The following UNC13C variants were observed in gnomAD, a reference collection of about 807,000 sequenced individuals.
The protein encoded by UNC13C is protein unc-13 homolog C.
Under a neutral mutation model 245.4 loss-of-function variants are expected in UNC13C, and 174 were observed. The observed-to-expected ratio is 0.71, with a 90% CI of 0.63 to 0.80. The LOEUF (loss-of-function observed/expected upper bound fraction) is 0.80. UNC13C is among the 30% of genes least tolerant of loss of function. The pLI is 0.00. For synonymous variants in UNC13C, 992 were observed against 895.1 expected, an observed-to-expected ratio of 1.11 and a Z score of -1.93; for missense variants, 2,829 against 2,602.9, an observed-to-expected ratio of 1.09 and a Z score of -1.89.
intron 19 of UNC13C, among the ~76,000 whole-genome samples, chr15:54,418,578 C>T (rs1398007372): frequency 6.6e-6 from 1 of 152,058 alleles, no homozygotes; most frequent in Admixed American, 6.6e-5. Context: ...CACACTAAAG[C>T]ATTTGGGGCA....
At chr15:54,167,541 T>C (rs1223537218) in intron 4 of UNC13C, among the ~76,000 whole-genome samples, 7 of 111,188 alleles carry the variant, frequency 6.3e-5, no homozygotes, top group Admixed American at 5.3e-4. Flanking sequence ...TAAGAGAAGA[T>C]ACTCTTGAAC....
At chr15:54,268,753 A>C (rs1469966003) in intron 10 of UNC13C, among the ~76,000 whole-genome samples, 1 of 152,134 alleles carries the variant, frequency 6.6e-6, no homozygotes, top group Non-Finnish European at 1.5e-5. Context: ...TCTTCTGCCC[A>C]GTAGAAATTA....
intron 4 of UNC13C, among the ~76,000 whole-genome samples, chr15:54,198,778 T>A (rs1260319435): frequency 2.0e-5 from 3 of 152,056 alleles, no homozygotes; most frequent in Non-Finnish European, 4.4e-5. Context: ...GAAAAACAAG[T>A]GTGGTAATAT....
At chr15:54,602,766 T>C (rs1460285361) in intron 30 of UNC13C, among the ~76,000 whole-genome samples, 1 of 152,196 alleles carries the variant, frequency 6.6e-6, no homozygotes. Context: ...AAAGTGACTT[T>C]TCATTGTAAT....
At chr15:54,030,482 G>A (rs1896311723) in intron 2 of UNC13C, among the ~76,000 whole-genome samples, 1 of 152,082 alleles carries the variant, frequency 6.6e-6, no homozygotes, top group South Asian at 2.1e-4. Context: ...AGGTCAATCG[G>A]GTAGAAATTA....
intron 15 of UNC13C, among the ~76,000 whole-genome samples, chr15:54,333,140 G>A (rs1272779689): frequency 6.6e-6 from 1 of 151,970 alleles, no homozygotes; most frequent in Non-Finnish European, 1.5e-5. Context: ...GTTAACATGT[G>A]AAATTGACCA....
chr15:54,039,490 C>A (rs539097735), intron 2 of UNC13C, among the ~76,000 whole-genome samples: 61 of 152,268 alleles, frequency 4.0e-4, no homozygotes, highest in African/African-American at 1.4e-3. Flanking sequence ...GGAAAAATAA[C>A]CAACTAGAAT....
At chr15:54,500,419 T>G (rs2141098316) in intron 21 of UNC13C, among the ~76,000 whole-genome samples, 1 of 152,184 alleles carries the variant, frequency 6.6e-6, no homozygotes, top group East Asian at 1.9e-4. Context: ...TACATTAATC[T>G]GAATCTACAG....
chr15:54,011,770 T>G (rs1446075099), intron 1 of UNC13C, among the ~76,000 whole-genome samples: 1 of 152,190 alleles, frequency 6.6e-6, no homozygotes, highest in African/African-American at 2.4e-5. Flanking sequence ...TCCCCTTGTC[T>G]CTTGTGGAGC....
intron 17 of UNC13C, among the ~76,000 whole-genome samples, chr15:54,356,128 C>A (rs1408605647): frequency 6.6e-6 from 1 of 152,040 alleles, no homozygotes; most frequent in African/African-American, 2.4e-5. Context: ...TTAGCCTGCC[C>A]CTATTGGTGG....
At chr15:53,929,468 A>C in the UNC13C span, among the ~76,000 whole-genome samples, 1 of 152,198 alleles carries the variant, frequency 6.6e-6, no homozygotes, top group Non-Finnish European at 1.5e-5. Flanking sequence ...TTAAAGCATC[A>C]ACTACTAAAA....
chr15:54,475,698 A>C (rs1021588213), intron 19 of UNC13C, among the ~76,000 whole-genome samples: 1 of 143,176 alleles, frequency 7.0e-6, no homozygotes, highest in African/African-American at 2.6e-5. Flanking sequence ...TTCTTAATCC[A>C]GTCTATCATT....
At chr15:54,602,479 T>C (rs551140914) in intron 30 of UNC13C, among the ~76,000 whole-genome samples, 8 of 152,198 alleles carry the variant, frequency 5.3e-5, no homozygotes, top group Non-Finnish European at 8.8e-5. Context: ...TATTTTAATA[T>C]TTAGAGATGA....
intron 13 of UNC13C, among the ~76,000 whole-genome samples, chr15:54,320,336 C>T (rs1484151063): frequency 6.6e-6 from 1 of 151,950 alleles, no homozygotes; most frequent in African/African-American, 2.4e-5. Context: ...ACTTTTGGTG[C>T]ATACATGCAA....
At chr15:54,529,490 A>G (rs1335821994) in intron 25 of UNC13C, among the ~76,000 whole-genome samples, 2 of 152,222 alleles carry the variant, frequency 1.3e-5, no homozygotes. Context: ...TATTTGCTCT[A>G]AGAACAAAAC....
chr15:54,497,557 T>C (rs929055394), intron 20 of UNC13C, among the ~76,000 whole-genome samples: 1 of 151,942 alleles, frequency 6.6e-6, no homozygotes, highest in Non-Finnish European at 1.5e-5. Flanking sequence ...TGTGTTGAGA[T>C]TGGGGCAGAA....
At chr15:54,116,850 T>G (rs2030284508) in intron 2 of UNC13C, among the ~76,000 whole-genome samples, 1 of 152,190 alleles carries the variant, frequency 6.6e-6, no homozygotes, top group South Asian at 2.1e-4. Flanking sequence ...AACCTCCGTA[T>G]AGTTTTCCAT....
At chr15:54,616,163 GC>G (rs1900418033) in intron 30 of UNC13C, among the ~76,000 whole-genome samples, 1 of 151,988 alleles carries the variant, frequency 6.6e-6, no homozygotes, top group African/African-American at 2.4e-5. Flanking sequence ...GCAAACTGTA[GC>G]CATGGAGACT....
the UNC13C span, among the ~76,000 whole-genome samples, chr15:53,966,318 T>C: frequency 2.0e-5 from 3 of 152,156 alleles, no homozygotes; most frequent in African/African-American, 7.2e-5. Context: ...CTGTCTCTCT[T>C]TTTGTGATGT....
Sources: gnomAD v4.1 joint callset for allele counts (sites outside exome capture counted in the v4.1 genomes callset) on GRCh38, gnomAD v4.1.1 for gene constraint, MANE v1.5 for transcripts, NCBI Gene and HGNC (gene_info 2026-07-23, HGNC 2026-07-21) for gene names.